DPH6: variants seen among roughly 807,000 people sequenced by gnomAD.
DPH6 encodes diphthamine biosynthesis 6, also known as diphthine--ammonia ligase.
In DPH6, 33 loss-of-function variants were observed where a neutral mutation model predicts 38.2. The observed-to-expected ratio is 0.86, with a 90% CI of 0.65 to 1.15. The LOEUF is 1.15. DPH6 is among the 50% of genes most tolerant of loss of function. The probability of loss-of-function intolerance (pLI) is 0.00; values close to 1 mark genes in which losing one functional copy is unlikely to be tolerated. For missense variants in DPH6, 325 were observed against 320.0 expected (o/e 1.02, Z -0.12); for synonymous variants, 108 against 103.0 (o/e 1.05, Z -0.30).
At chr15:35,218,004 T>C (rs925690899) in exon 4 of DPH6, 1 of 152,334 alleles carries the variant, frequency 6.6e-6, no homozygotes, top group Admixed American at 6.5e-5. Context: ...TTTTTTTTAC[T>C]GAGTAATCAC....
At chr15:35,460,324 G>C (rs1265612945) in intron 3 of DPH6, among the ~76,000 whole-genome samples, 1 of 152,096 alleles carries the variant, frequency 6.6e-6, no homozygotes, top group Non-Finnish European at 1.5e-5. Flanking sequence ...TTACATTCTT[G>C]TCATGAAGAT....
At chr15:35,491,529 G>GA (rs1340361440) in intron 3 of DPH6, among the ~76,000 whole-genome samples, 3 of 147,140 alleles carry the variant, frequency 2.0e-5, no homozygotes, top group Non-Finnish European at 4.5e-5. Context: ...GTTCTCCAGA[G>GA]AATCAGAACC....
chr15:35,347,854 T>C (rs1173932659), intron 3 of DPH6, among the ~76,000 whole-genome samples: 1 of 152,110 alleles, frequency 6.6e-6, no homozygotes, highest in Admixed American at 6.6e-5. Flanking sequence ...CCAATAGATA[T>C]GAGGTAATAT....
At chr15:35,507,875 T>TAA (rs1389926732) in intron 3 of DPH6, among the ~76,000 whole-genome samples, 1 of 152,066 alleles carries the variant, frequency 6.6e-6, no homozygotes, top group Non-Finnish European at 1.5e-5. Context: ...AACATATATA[T>TAA]AACCCATATA....
the DPH6 span, among the ~76,000 whole-genome samples, chr15:35,167,379 G>A: frequency 6.6e-6 from 1 of 151,834 alleles, no homozygotes; most frequent in African/African-American, 2.4e-5. Flanking sequence ...AAAGGACATT[G>A]AGGCTTTGAA....
chr15:35,406,001 T>C (rs1439090279), intron 6 of DPH6, among the ~76,000 whole-genome samples: 1 of 152,090 alleles, frequency 6.6e-6, no homozygotes, highest in Non-Finnish European at 1.5e-5. Flanking sequence ...TTGTGTTGAA[T>C]TTATTTTTCA....
At position 35,521,296 on chromosome 15, in the gene DPH6, C is replaced by T. The variant is rs186257876; in HGVS notation, c.312+16978G>A. ...TAAACAGAAAGCTTTTATAATGGTCCTGTAATTCACTAAACATAATAAACA... is the reference window on the plus strand; with the variant it reads ...TAAACAGAAAGCTTTTATAATGGTCTTGTAATTCACTAAACATAATAAACA... On this transcript the variant is annotated intron_variant, in intron 3 of 8. Transcript: ENST00000256538. 73 of 990,022 alleles carry T rather than the reference C, an allele frequency of 7.4e-5. No homozygotes were observed. In the African/African-American group the frequency reaches 1.1e-3, roughly 16 times the overall value. 61.3% of individuals were successfully genotyped at this position (990,022 alleles called of 1,614,324 possible). A position where few individuals can be genotyped will look rare whatever the true frequency, so the allele number is the denominator to read the frequency against.
At chr15:35,164,517 G>A in the DPH6 span, among the ~76,000 whole-genome samples, 2 of 150,270 alleles carry the variant, frequency 1.3e-5, no homozygotes, top group Non-Finnish European at 3.0e-5. Flanking sequence ...TCTCCTTTAC[G>A]CAGTCAGCAA....
the DPH6 span, among the ~76,000 whole-genome samples, chr15:35,155,408 G>A: frequency 6.6e-6 from 1 of 152,196 alleles, no homozygotes; most frequent in Non-Finnish European, 1.5e-5. Context: ...CCATTTTATA[G>A]AGAAGCACAT....
chr15:35,248,658 G>A (rs1377344455), intron 3 of DPH6, among the ~76,000 whole-genome samples: 1 of 152,146 alleles, frequency 6.6e-6, no homozygotes, highest in Non-Finnish European at 1.5e-5. Flanking sequence ...GTAAAACTTT[G>A]ATTAAATAAA....
At chr15:35,515,468 T>A (rs560526974) in intron 3 of DPH6, among the ~76,000 whole-genome samples, 48 of 152,040 alleles carry the variant, frequency 3.2e-4, no homozygotes, top group African/African-American at 1.0e-3. Flanking sequence ...ACACCTGTAA[T>A]CCCAGCACTT....
At chr15:35,243,639 T>C (rs2063367059) in intron 3 of DPH6, among the ~76,000 whole-genome samples, 1 of 148,234 alleles carries the variant, frequency 6.7e-6, no homozygotes. Context: ...TTGTGACCCC[T>C]GCCCCTGCCC....
At chr15:35,463,986 A>C (rs2054096290) in intron 3 of DPH6, among the ~76,000 whole-genome samples, 1 of 152,156 alleles carries the variant, frequency 6.6e-6, no homozygotes, top group South Asian at 2.1e-4. Context: ...AATGCAGAGG[A>C]ATGGACACAT....
chr15:35,469,522 A>G (rs2141122848), intron 3 of DPH6, among the ~76,000 whole-genome samples: 1 of 152,290 alleles, frequency 6.6e-6, no homozygotes, highest in Non-Finnish European at 1.5e-5. Flanking sequence ...GTTTATAAGG[A>G]ATGAGTAATA....
intron 5 of DPH6, among the ~76,000 whole-genome samples, chr15:35,431,209 A>T (rs2053628617): frequency 6.6e-6 from 1 of 152,222 alleles, no homozygotes; most frequent in African/African-American, 2.4e-5. Context: ...ACTTGTTCAC[A>T]TACGTCAAAA....
intron 3 of DPH6, among the ~76,000 whole-genome samples, chr15:35,512,848 T>C (rs1390052210): frequency 6.6e-6 from 1 of 152,156 alleles, no homozygotes; most frequent in Non-Finnish European, 1.5e-5. Context: ...CTTTGATCCA[T>C]TAATTCTGCA....
chr15:35,207,221 G>T, the DPH6 span, among the ~76,000 whole-genome samples: 135 of 151,282 alleles, frequency 8.9e-4, 1 homozygote, highest in East Asian at 1.7e-3. Flanking sequence ...TAATTTTTTG[G>T]TTTTTTTGTA....
At chr15:35,337,799 A>AACCAAAACAGCATGCTACTGGT (rs2052385626) in intron 3 of DPH6, among the ~76,000 whole-genome samples, 1 of 152,154 alleles carries the variant, frequency 6.6e-6, no homozygotes, top group Non-Finnish European at 1.5e-5. Flanking sequence ...AGGCTACAGT[A>AACCAAAACAGCATGCTACTGGT]ACCAAAACAG....
At chr15:35,259,881 A>G (rs949338620) in intron 3 of DPH6, among the ~76,000 whole-genome samples, 3 of 152,230 alleles carry the variant, frequency 2.0e-5, no homozygotes, top group African/African-American at 4.8e-5. Context: ...GGGAGTCACT[A>G]GACTCAGCTC....
Sources: allele counts gnomAD v4.1 joint callset (sites outside exome capture counted in the v4.1 genomes callset), GRCh38; gene constraint gnomAD v4.1.1; transcripts MANE v1.5; gene names NCBI Gene and HGNC (gene_info 2026-07-23, HGNC 2026-07-21).